PIEZO2: variants seen among roughly 807,000 people sequenced by gnomAD.
The protein encoded by PIEZO2 is piezo-type mechanosensitive ion channel component 2.
PIEZO2 carries 172 observed loss-of-function variants against 337.3 expected under a neutral mutation model. That is an observed-to-expected ratio of 0.51 (90% confidence interval 0.45 to 0.58). The LOEUF is 0.58. Among genes scored for constraint, PIEZO2 ranks in the 20% least tolerant of loss-of-function variants. PIEZO2 has a pLI of 0.00. For synonymous variants in PIEZO2, 1,251 were observed against 1,228.5 expected, an observed-to-expected ratio of 1.02 and a Z score of -0.38; for missense variants, 3,028 against 3,391.3, an observed-to-expected ratio of 0.89 and a Z score of 2.66.
At position 10,727,013 on chromosome 18, in the gene PIEZO2, C is replaced by T; in HGVS notation, c.5029+4394G>A. The T allele has an allele frequency of 7.0e-6, 6 of 862,854 alleles. No individual in the cohort carries two copies. In the South Asian group the frequency reaches 9.7e-5, roughly 14 times the overall value. The allele number at this position is 862,854 out of a possible 1,614,324, so 53.4% of individuals were successfully genotyped here. A position where few individuals can be genotyped will look rare whatever the true frequency, so the allele number is the denominator to read the frequency against. On this transcript the variant is annotated intron_variant, in intron 36 of 55. Transcript: ENST00000674853. The surrounding 1 kb of genome is among the most constrained non-coding windows in gnomAD (Gnocchi z 6.3). ...GGCCCCCAGAACATGAAGCTGTTTGCTCTGTGCTTCCACGGTCTGGGTGTT... is the reference window on the plus strand; with the variant it reads ...GGCCCCCAGAACATGAAGCTGTTTGTTCTGTGCTTCCACGGTCTGGGTGTT...
intron 13 of PIEZO2, among the ~76,000 whole-genome samples, chr18:10,791,954 G>A (rs943201254): frequency 6.6e-6 from 1 of 152,056 alleles, no homozygotes; most frequent in African/African-American, 2.4e-5. Flanking sequence ...TATTGCTGTT[G>A]TTTTTGTTTG....
chr18:10,680,466 A>G, intron 51 of PIEZO2, 95 bp from the exon 52 acceptor site: 1 of 1,181,910 alleles, frequency 8.5e-7, no homozygotes, highest in Non-Finnish European at 1.2e-6. Context: ...CAGTATGGAA[A>G]AGGTTTCTCC....
At chr18:10,792,464 G>A (rs937431666) in intron 13 of PIEZO2, among the ~76,000 whole-genome samples, 2 of 152,084 alleles carry the variant, frequency 1.3e-5, no homozygotes, top group Admixed American at 6.5e-5. Context: ...AGCCAACCAC[G>A]AATTTACTTT....
At chr18:10,717,008 T>A (rs1341561909) in intron 37 of PIEZO2, among the ~76,000 whole-genome samples, 2 of 152,162 alleles carry the variant, frequency 1.3e-5, no homozygotes, top group Non-Finnish European at 2.9e-5. Context: ...GACTCGACTT[T>A]AACCACAGGG....
chr18:10,698,686 C>G (rs2035205268), intron 44 of PIEZO2, among the ~76,000 whole-genome samples: 1 of 152,184 alleles, frequency 6.6e-6, no homozygotes, highest in African/African-American at 2.4e-5. Context: ...GGCCATTTTT[C>G]ACAATTATCT....
chr18:10,932,321 G>A (rs1469231523), intron 3 of PIEZO2, among the ~76,000 whole-genome samples: 1 of 152,030 alleles, frequency 6.6e-6, no homozygotes, highest in African/African-American at 2.4e-5. Flanking sequence ...AATTGAGCCT[G>A]GGAAGTCGAG....
intron 2 of PIEZO2, among the ~76,000 whole-genome samples, chr18:11,018,220 G>GGTGT (rs3971612): frequency 0.011 from 1,603 of 144,106 alleles, 15 homozygotes; most frequent in Non-Finnish European, 0.016. Context: ...TGGTGGTGGT[G>GGTGT]GTGTGTGTGT....
chr18:10,672,579 C>T lies in PIEZO2; in HGVS notation c.8345+111G>A, dbSNP rs569012060. On this transcript the variant is annotated intron_variant, in intron 55 of 55. Transcript: ENST00000674853. The surrounding 1 kb of genome is among the most constrained non-coding windows in gnomAD (Gnocchi z 4.7). ...ACACAAGGATGTGTGCATTTTAATACTGCAGCTCTAAAATTAGCGAATTCT... is the reference window on the plus strand; with the variant it reads ...ACACAAGGATGTGTGCATTTTAATATTGCAGCTCTAAAATTAGCGAATTCT... 15 of 1,184,476 alleles carry T rather than the reference C, an allele frequency of 1.3e-5. No individual in the cohort carries two copies. In the East Asian group the frequency reaches 1.7e-4, roughly 13 times the overall value. The allele number at this position is 1,184,476 out of a possible 1,614,324, so 73.4% of individuals were successfully genotyped here.
In PIEZO2 at chr18:10,766,127, C is replaced by T. The variant is rs989337320; in HGVS notation, c.2947-3029G>A. On this transcript the variant is annotated intron_variant, in intron 21 of 55. Transcript: ENST00000674853. The surrounding 1 kb of genome is among the most constrained non-coding windows in gnomAD (Gnocchi z 6.1). ...ATCAAGCCCAGTGCAAACCTCAGTG[C>T]GCCTTGCCCTCTCACAGTTCTGTTA... Among the ~76,000 whole-genome samples, 5 of 152,186 alleles carry T rather than the reference C, an allele frequency of 3.3e-5. No homozygotes were observed. Among genetic ancestry groups the T allele is most frequent in the South Asian group, 2.1e-4 (1 of 4,826 alleles).
At chr18:10,976,774 C>T (rs923827320) in intron 3 of PIEZO2, among the ~76,000 whole-genome samples, 9 of 152,012 alleles carry the variant, frequency 5.9e-5, no homozygotes, top group African/African-American at 1.5e-4. Context: ...TATTTAGGAG[C>T]GAGGTTAGGA....
chr18:10,680,323 C>T lies in PIEZO2; in HGVS notation c.7828G>A (p.Ala2610Thr). 1 of 1,614,058 alleles carries T rather than the reference C, an allele frequency of 6.2e-7. No individual in the cohort carries two copies. Among genetic ancestry groups the T allele is most frequent in the Non-Finnish European group, 8.5e-7 (1 of 1,179,952 alleles). ...ENYEKEDITV[A>T]ELEGNSNSLW... ...GAATTTGAGTTTCCTTCCAGTTCTG[C>T]TACTGTTATGTCTTCTTTTTCATAA... Residue 2610 changes from alanine (A) to threonine (T), a missense_variant, in exon 52 of 56, where the codon GCA becomes ACA. By Grantham distance (58) the Ala-to-Thr change is moderately conservative. Coordinates refer to ENST00000674853, the MANE Select transcript of PIEZO2 (RefSeq NM_001378183.1).
Position 10,715,638 on chromosome 18 carries a change from C to A in PIEZO2, c.5256+12G>T, listed in dbSNP as rs2035981592. 4.6e-6 allele frequency: 7 copies of A among 1,509,582 alleles called. No individual in the cohort carries two copies. The highest frequency in any genetic ancestry group is 2.5e-5 in the East Asian group (1 of 40,238). The allele number at this position is 1,509,582 out of a possible 1,614,324, so 93.5% of individuals were successfully genotyped here. A position where few individuals can be genotyped will look rare whatever the true frequency, so the allele number is the denominator to read the frequency against. On this transcript the variant is annotated intron_variant, in intron 38 of 55. Coordinates refer to ENST00000674853, the MANE Select transcript of PIEZO2 (RefSeq NM_001378183.1). ...TGGGAAGGAGCAAAAAGAATTACAC[C>A]AGCAGTGTTACCTTCTTAATTTCTC...
At position 11,116,709 on chromosome 18, in the gene PIEZO2, C is replaced by T. The variant is rs1259600896; in HGVS notation, c.64+31816G>A. Among the ~76,000 whole-genome samples the T allele has an allele frequency of 1.3e-5, 2 of 149,966 alleles. No individual in the cohort carries two copies. On this transcript the variant is annotated intron_variant, in intron 1 of 55. Coordinates refer to ENST00000674853, the MANE Select transcript of PIEZO2 (RefSeq NM_001378183.1). The surrounding 1 kb of genome is among the most constrained non-coding windows in gnomAD (Gnocchi z 5.0). ...CAGCCTGGGCGACAGAACGAGACTC[C>T]GTCTCAAAAAAAACAAAGAAAAAAA...
chr18:11,098,938 C>T (rs1417758603), intron 1 of PIEZO2, among the ~76,000 whole-genome samples: 4 of 151,698 alleles, frequency 2.6e-5, no homozygotes, highest in Non-Finnish European at 5.9e-5. Flanking sequence ...GCTGGGACCA[C>T]AGGCATGAGC....
intron 3 of PIEZO2, among the ~76,000 whole-genome samples, chr18:10,941,305 T>C (rs187372751): frequency 1.3e-5 from 2 of 152,280 alleles, no homozygotes; most frequent in East Asian, 3.9e-4. Flanking sequence ...CTTTCCCTTG[T>C]AATATTAGAT....
intron 31 of PIEZO2, among the ~76,000 whole-genome samples, chr18:10,743,030 A>G (rs189765552): frequency 2.0e-5 from 3 of 152,336 alleles, no homozygotes; most frequent in Admixed American, 6.5e-5. Context: ...TTTAGCAAAG[A>G]GAATTACAGT....
chr18:11,080,217 T>A lies in PIEZO2; in HGVS notation c.65-13995A>T, dbSNP rs2038688893. ...AACTGAAGGGAAAACTATGGCTTTTTATCTTTATCATGTTAAAGTTTTTCA... is the reference window on the plus strand; with the variant it reads ...AACTGAAGGGAAAACTATGGCTTTTAATCTTTATCATGTTAAAGTTTTTCA... On this transcript the variant is annotated intron_variant, in intron 1 of 55. Transcript: ENST00000674853. The surrounding 1 kb of genome is among the most constrained non-coding windows in gnomAD (Gnocchi z 5.4). Among the ~76,000 whole-genome samples, 1 of 150,308 alleles carries A rather than the reference T, an allele frequency of 6.7e-6. No homozygotes were observed. Among genetic ancestry groups the A allele is most frequent in the African/African-American group, 2.5e-5 (1 of 39,618 alleles).
At chr18:10,914,156 C>T (rs546744979) in intron 3 of PIEZO2, among the ~76,000 whole-genome samples, 18 of 152,244 alleles carry the variant, frequency 1.2e-4, no homozygotes, top group South Asian at 1.0e-3. Flanking sequence ...TATTCACTTT[C>T]GCCAAAGCAG....
chr18:10,681,299 G>A (rs531364157), intron 51 of PIEZO2, among the ~76,000 whole-genome samples: 146 of 152,322 alleles, frequency 9.6e-4, no homozygotes, highest in African/African-American at 3.3e-3. Flanking sequence ...CTAATGCAGA[G>A]AATGCACTCA....
Sources: gnomAD v4.1 joint callset for allele counts (sites outside exome capture counted in the v4.1 genomes callset) on GRCh38, gnomAD v4.1.1 for gene constraint, Gnocchi (gnomAD v3.1) non-coding constraint, MANE v1.5 for transcripts, NCBI Gene and HGNC (gene_info 2026-07-23, HGNC 2026-07-21) for gene names.